AGMO: variants seen among roughly 807,000 people sequenced by gnomAD.
AGMO encodes glyceryl-ether monooxygenase.
AGMO carries 75 observed loss-of-function variants against 60.2 expected under a neutral mutation model. That is an observed-to-expected ratio of 1.25 (90% CI 1.03 to 1.51). The LOEUF is 1.51. AGMO is among the 40% of genes most tolerant of loss of function. The pLI, the probability that AGMO is intolerant of heterozygous loss-of-function variation, is 0.00. For missense variants in AGMO, 763 were observed against 525.5 expected (o/e 1.45, Z -4.42); for synonymous variants, 261 against 177.1 (o/e 1.47, Z -3.76).
chr7:15,517,314 G>T (rs1159978922), intron 3 of AGMO, among the ~76,000 whole-genome samples: 13 of 148,322 alleles, frequency 8.8e-5, no homozygotes, highest in Admixed American at 6.1e-4. Context: ...TCTAGTGTGG[G>T]GTGTGTGTGT....
chr7:15,245,578 C>A (rs940641955), intron 12 of AGMO, among the ~76,000 whole-genome samples: 1 of 151,364 alleles, frequency 6.6e-6, no homozygotes, highest in Non-Finnish European at 1.5e-5. Context: ...GTATTGTGCA[C>A]CATAAATATT....
In AGMO at chr7:15,387,442, A is replaced by AC. The variant is rs566199553; in HGVS notation, c.920dup (p.Lys308Ter). The AC allele has an allele frequency of 1.3e-4, 217 of 1,614,120 alleles. No individual in the cohort carries two copies. The highest frequency in any genetic ancestry group is 1.8e-4 in the Non-Finnish European group (207 of 1,179,998). On this transcript the variant is annotated frameshift_variant, in exon 9 of 13. Coordinates refer to ENST00000342526, the MANE Select transcript of AGMO (RefSeq NM_001004320.2). LOFTEE classifies it high-confidence loss of function. The stretch of plus-strand genomic sequence containing the variant: ...CTTCACTGAGACCAAGTCTTGGTTT[A>AC]CCTGGACCCCATCCCGGTCCCTTAA...
intron 3 of AGMO, among the ~76,000 whole-genome samples, chr7:15,497,434 C>A (rs994245981): frequency 8.6e-5 from 13 of 151,976 alleles, no homozygotes; most frequent in Non-Finnish European, 1.9e-4. Flanking sequence ...AGTTGAGAAA[C>A]TATATTTTAA....
chr7:15,332,132 A>G (rs1017779649), intron 12 of AGMO, among the ~76,000 whole-genome samples: 5 of 152,250 alleles, frequency 3.3e-5, no homozygotes, highest in East Asian at 1.9e-4. Flanking sequence ...GAAGGCTAAC[A>G]TTGGTCTTTT....
chr7:15,168,552 A>G, the AGMO span, among the ~76,000 whole-genome samples: 1 of 152,170 alleles, frequency 6.6e-6, no homozygotes, highest in Non-Finnish European at 1.5e-5. Context: ...TTGTCCACAG[A>G]CCTGTGTATC....
At chr7:15,509,471 G>A (rs1160936760) in intron 3 of AGMO, among the ~76,000 whole-genome samples, 2 of 152,024 alleles carry the variant, frequency 1.3e-5, no homozygotes, top group Admixed American at 6.6e-5. Flanking sequence ...ACTTGAAACT[G>A]TAAAAATACC....
intron 12 of AGMO, among the ~76,000 whole-genome samples, chr7:15,261,219 G>A (rs1308227665): frequency 1.3e-5 from 2 of 151,908 alleles, no homozygotes; most frequent in African/African-American, 4.8e-5. Flanking sequence ...TAAACCAAAA[G>A]CTTGTTTTTG....
At chr7:15,552,528 C>G (rs1255988784) in intron 2 of AGMO, among the ~76,000 whole-genome samples, 1 of 149,170 alleles carries the variant, frequency 6.7e-6, no homozygotes, top group East Asian at 2.0e-4. Flanking sequence ...ACAGACACTT[C>G]TCAAAAGAAG....
chr7:15,459,379 T>G (rs1184931619), intron 3 of AGMO, among the ~76,000 whole-genome samples: 2 of 152,098 alleles, frequency 1.3e-5, no homozygotes, highest in Non-Finnish European at 2.9e-5. Context: ...TCCAGAGAGT[T>G]CTCAGATGGC....
intron 10 of AGMO, among the ~76,000 whole-genome samples, chr7:15,370,575 T>C (rs372065698): frequency 5.5e-4 from 83 of 152,290 alleles, no homozygotes; most frequent in African/African-American, 1.5e-3. Flanking sequence ...TTTTTAACAA[T>C]AGCCATTCTT....
chr7:15,406,252 CG>C (rs1334002611), intron 5 of AGMO, among the ~76,000 whole-genome samples: 1 of 141,362 alleles, frequency 7.1e-6, no homozygotes, highest in African/African-American at 2.6e-5. Flanking sequence ...CACACACACA[CG>C]TATATTCCAT....
intron 4 of AGMO, among the ~76,000 whole-genome samples, chr7:15,421,704 G>A (rs995038765): frequency 6.6e-6 from 1 of 152,234 alleles, no homozygotes; most frequent in Non-Finnish European, 1.5e-5. Flanking sequence ...GGGGAATGTC[G>A]TGTTGGGGTC....
At chr7:15,386,537 G>A (rs1281711641) in intron 9 of AGMO, among the ~76,000 whole-genome samples, 1 of 152,164 alleles carries the variant, frequency 6.6e-6, no homozygotes, top group African/African-American at 2.4e-5. Flanking sequence ...AATGAATTGT[G>A]AACATAAACG....
chr7:15,188,441 T>G, the AGMO span, among the ~76,000 whole-genome samples: 2 of 152,216 alleles, frequency 1.3e-5, no homozygotes, highest in Non-Finnish European at 2.9e-5. Flanking sequence ...AATAGTATAG[T>G]AATATGTCCA....
At position 15,465,140 on chromosome 7, in the gene AGMO, T is replaced by G. The variant is rs185710047; in HGVS notation, c.410-34032A>C. 1.1e-4 allele frequency among the ~76,000 whole-genome samples: 16 copies of G among 152,130 alleles called. No homozygotes were observed. The East Asian group carries it at 2.9e-3, about 28-fold the overall frequency. On this transcript the variant is annotated intron_variant, in intron 3 of 12. Transcript: ENST00000342526. ...ACTCTGTGTGTTCTGTTTGGTTTTG[T>G]TTTTGAGTAGCCTTTATGCCCCTAC...
chr7:15,396,909 A>G lies in AGMO; in HGVS notation c.610-2730T>C, dbSNP rs184879952. Among the ~76,000 whole-genome samples the G allele has an allele frequency of 2.1e-4, 32 of 152,316 alleles. No homozygotes were observed. The East Asian group carries it at 5.6e-3, about 27-fold the overall frequency. On this transcript the variant is annotated intron_variant, in intron 5 of 12. Coordinates refer to ENST00000342526, the MANE Select transcript of AGMO (RefSeq NM_001004320.2). ...TGCGTTTGCAATCCTTTAGCTAGACAGAAAAGTTCTCCAAGTCCCCTCACC... is the reference window on the plus strand; with the variant it reads ...TGCGTTTGCAATCCTTTAGCTAGACGGAAAAGTTCTCCAAGTCCCCTCACC...
intron 3 of AGMO, among the ~76,000 whole-genome samples, chr7:15,544,551 G>A (rs543104808): frequency 4.6e-5 from 7 of 151,904 alleles, no homozygotes; most frequent in African/African-American, 7.2e-5. Context: ...AATTAGAAGC[G>A]AAAAAAATGT....
chr7:15,268,351 T>C (rs911079115), intron 12 of AGMO, among the ~76,000 whole-genome samples: 1 of 152,038 alleles, frequency 6.6e-6, no homozygotes, highest in East Asian at 1.9e-4. Flanking sequence ...TCCCTCACTG[T>C]TACCTCTTCC....
At chr7:15,469,869 A>G (rs116139834) in intron 3 of AGMO, among the ~76,000 whole-genome samples, 1,868 of 152,214 alleles carry the variant, frequency 0.012, 38 homozygotes, top group African/African-American at 0.043. Context: ...TAGAGAGAGC[A>G]GGTGAAGATG....
Sources: gnomAD v4.1 joint callset for allele counts (sites outside exome capture counted in the v4.1 genomes callset) on GRCh38, gnomAD v4.1.1 for gene constraint, MANE v1.5 for transcripts, NCBI Gene and HGNC (gene_info 2026-07-23, HGNC 2026-07-21) for gene names.